HYCC2: variants seen among roughly 807,000 people sequenced by gnomAD.
The protein encoded by HYCC2 is hyccin 2.
At chr2:201,056,534 C>T in the HYCC2 span, among the ~76,000 whole-genome samples, 6 of 151,804 alleles carry the variant, frequency 4.0e-5, no homozygotes, top group Admixed American at 6.6e-5. Flanking sequence ...ATTAGCCAGG[C>T]GTGGTGGTGC....
chr2:201,004,396 T>C, the HYCC2 span, among the ~76,000 whole-genome samples: 368 of 152,362 alleles, frequency 2.4e-3, 3 homozygotes, highest in African/African-American at 8.5e-3. Flanking sequence ...GACATGGTGG[T>C]ACTGCAGCAA....
the HYCC2 span, chr2:200,987,509 C>A: frequency 7.8e-7 from 1 of 1,289,770 alleles, no homozygotes; most frequent in Non-Finnish European, 1.0e-6. Context: ...CTCGAGTCAG[C>A]CTCGTTTGAG....
the HYCC2 span, among the ~76,000 whole-genome samples, chr2:201,018,571 C>G: frequency 1.3e-5 from 2 of 152,182 alleles, no homozygotes; most frequent in African/African-American, 4.8e-5. Context: ...AGGCTTAGCT[C>G]TGGAAGAATT....
the HYCC2 span, among the ~76,000 whole-genome samples, chr2:200,994,023 TGG>T: frequency 6.6e-6 from 1 of 151,768 alleles, no homozygotes; most frequent in African/African-American, 2.4e-5. Flanking sequence ...TAAAACCATG[TGG>T]GGAAAGGGGA....
the HYCC2 span, chr2:200,975,630 A>C: frequency 6.6e-6 from 1 of 152,114 alleles, no homozygotes; most frequent in African/African-American, 2.4e-5. Flanking sequence ...ATCCAGAAGC[A>C]AAACATATAC....
the HYCC2 span, among the ~76,000 whole-genome samples, chr2:201,040,397 G>A: frequency 6.6e-6 from 1 of 150,620 alleles, no homozygotes; most frequent in African/African-American, 2.4e-5. Flanking sequence ...ATTTTAAGGT[G>A]AAAATTATGT....
At chr2:201,025,818 G>A in the HYCC2 span, among the ~76,000 whole-genome samples, 1 of 152,064 alleles carries the variant, frequency 6.6e-6, no homozygotes, top group African/African-American at 2.4e-5. Flanking sequence ...TAGCACTTTG[G>A]GAGGCTGAGG....
At chr2:201,033,553 G>A in the HYCC2 span, among the ~76,000 whole-genome samples, 9 of 151,636 alleles carry the variant, frequency 5.9e-5, no homozygotes, top group Non-Finnish European at 1.2e-4. Context: ...ACAGGCGCCC[G>A]CCACCACGCC....
the HYCC2 span, among the ~76,000 whole-genome samples, chr2:201,020,043 C>T: frequency 6.6e-6 from 1 of 151,960 alleles, no homozygotes; most frequent in East Asian, 1.9e-4. Context: ...ATAATGGTGC[C>T]ACTGTACTCC....
At chr2:201,045,568 T>G in the HYCC2 span, 1 of 398,154 alleles carries the variant, frequency 2.5e-6, no homozygotes, top group African/African-American at 2.1e-5. Context: ...GGAATTCATT[T>G]GTTAAGAGTT....
At chr2:201,042,189 C>A in the HYCC2 span, among the ~76,000 whole-genome samples, 1 of 152,218 alleles carries the variant, frequency 6.6e-6, no homozygotes, top group African/African-American at 2.4e-5. Flanking sequence ...AGCTCCTGAC[C>A]GCGAGTGGTC....
the HYCC2 span, among the ~76,000 whole-genome samples, chr2:201,010,103 CAAAAAAAAAAA>C: frequency 1.4e-5 from 1 of 70,742 alleles, no homozygotes; most frequent in African/African-American, 5.2e-5. Flanking sequence ...GACTCTGTCT[CAAAAAAAAAAA>C]AAAAAGAAAA....
chr2:201,019,597 A>T, the HYCC2 span, among the ~76,000 whole-genome samples: 1 of 152,010 alleles, frequency 6.6e-6, no homozygotes, highest in East Asian at 1.9e-4. Context: ...TACAAAAAAT[A>T]CAAAAATTAG....
At chr2:201,012,761 A>G in the HYCC2 span, among the ~76,000 whole-genome samples, 1 of 151,718 alleles carries the variant, frequency 6.6e-6, no homozygotes, top group East Asian at 2.0e-4. Flanking sequence ...CCTGGCCAAC[A>G]AGATGAAACC....
chr2:201,022,828 T>C, the HYCC2 span: 3 of 1,559,506 alleles, frequency 1.9e-6, no homozygotes, highest in Non-Finnish European at 2.6e-6. Flanking sequence ...TGAGGTCTCC[T>C]ACCTCATTAT....
At chr2:200,988,340 C>T in the HYCC2 span, 1 of 1,613,890 alleles carries the variant, frequency 6.2e-7, no homozygotes, top group Non-Finnish European at 8.5e-7. Flanking sequence ...GTTGGAGTGA[C>T]TTCAACTTTA....
At chr2:201,040,986 T>C in the HYCC2 span, among the ~76,000 whole-genome samples, 1 of 152,222 alleles carries the variant, frequency 6.6e-6, no homozygotes. Context: ...GGTCACTTAC[T>C]AGCTATGTTT....
the HYCC2 span, among the ~76,000 whole-genome samples, chr2:201,048,093 C>G: frequency 3.3e-5 from 5 of 151,788 alleles, no homozygotes; most frequent in African/African-American, 1.2e-4. Context: ...AGTGACAGTT[C>G]AAAACAGTAA....
the HYCC2 span, among the ~76,000 whole-genome samples, chr2:201,033,570 AT>A: frequency 6.6e-6 from 1 of 151,186 alleles, no homozygotes; most frequent in Admixed American, 6.6e-5. Context: ...CGCCCGGCTA[AT>A]TTTTTTGTAT....
Sources: allele counts gnomAD v4.1 joint callset (sites outside exome capture counted in the v4.1 genomes callset), GRCh38; gene constraint gnomAD v4.1.1; transcripts MANE v1.5; gene names NCBI Gene and HGNC (gene_info 2026-07-23, HGNC 2026-07-21).